KLF8: variants seen among roughly 807,000 people sequenced by gnomAD.
KLF8 encodes the protein KLF transcription factor 8.
Under a neutral mutation model 18.2 loss-of-function variants are expected in KLF8, and 10 were observed. That is an observed-to-expected ratio of 0.55 (90% CI 0.34 to 0.93). KLF8 has a LOEUF of 0.93. KLF8 is among the 40% of genes least tolerant of loss of function. The pLI is 0.02. For missense variants in KLF8, 264 were observed against 277.9 expected, an observed-to-expected ratio of 0.95 and a Z score of 0.36; for synonymous variants, 109 against 97.3, an observed-to-expected ratio of 1.12 and a Z score of -0.71.
chrX:55,994,737 A>G, the KLF8 span, among the ~76,000 whole-genome samples: 1 of 111,432 alleles, frequency 9.0e-6, no homozygotes, highest in Non-Finnish European at 1.9e-5. Context: ...TTTTTGAGAG[A>G]TCTTGGTATT....
chrX:55,911,567 C>T, the KLF8 span, among the ~76,000 whole-genome samples: 1 of 111,664 alleles, frequency 9.0e-6, no homozygotes. Flanking sequence ...GTGCTTCCCC[C>T]AAGTCCTTCC....
chrX:56,161,621 G>A, the KLF8 span, among the ~76,000 whole-genome samples: 1 of 111,455 alleles, frequency 9.0e-6, no homozygotes, highest in Non-Finnish European at 1.9e-5. Flanking sequence ...AGCTCCATGA[G>A]GTCCTTTAAG....
the KLF8 span, among the ~76,000 whole-genome samples, chrX:55,916,089 C>T: frequency 3.6e-5 from 4 of 111,723 alleles, no homozygotes; most frequent in Admixed American, 9.5e-5. Flanking sequence ...GGACACTCAC[C>T]GATTGACCAG....
the KLF8 span, among the ~76,000 whole-genome samples, chrX:55,917,083 C>T: frequency 1.8e-5 from 2 of 112,150 alleles, no homozygotes; most frequent in Non-Finnish European, 3.8e-5. Flanking sequence ...AATCTCCCTG[C>T]TCAAGTCTTG....
At chrX:56,102,582 T>A in the KLF8 span, among the ~76,000 whole-genome samples, 2 of 111,136 alleles carry the variant, frequency 1.8e-5, no homozygotes, top group East Asian at 5.6e-4. Flanking sequence ...GGTTCTTCCA[T>A]TTCATGAACA....
At chrX:56,032,323 A>AT in the KLF8 span, among the ~76,000 whole-genome samples, 2 of 111,397 alleles carry the variant, frequency 1.8e-5, no homozygotes, top group African/African-American at 3.3e-5. Context: ...CAAGTCTTTC[A>AT]TTTTTTTATT....
chrX:56,050,454 T>G, the KLF8 span, among the ~76,000 whole-genome samples: 2 of 112,268 alleles, frequency 1.8e-5, no homozygotes, highest in African/African-American at 6.5e-5. Flanking sequence ...TCCCAGAGAT[T>G]CTGGTATGTT....
the KLF8 span, among the ~76,000 whole-genome samples, chrX:55,990,852 C>G: frequency 9.0e-6 from 1 of 111,508 alleles, no homozygotes; most frequent in African/African-American, 3.3e-5. Flanking sequence ...CCTGATCATT[C>G]CTCTGGAAGT....
At chrX:56,250,150 A>G (rs955425934) in intron 1 of KLF8, 81 bp from the exon 2 acceptor site, 21 of 663,110 alleles carry the variant, frequency 3.2e-5, no homozygotes, top group Admixed American at 7.5e-5. Context: ...CATAGAACAC[A>G]CATAACATTA....
chrX:56,057,351 G>A, the KLF8 span, among the ~76,000 whole-genome samples: 1 of 111,041 alleles, frequency 9.0e-6, no homozygotes, highest in African/African-American at 3.3e-5. Context: ...GAGGGTGGTG[G>A]TTTGTATATT....
the KLF8 span, among the ~76,000 whole-genome samples, chrX:56,160,324 T>C: frequency 8.9e-6 from 1 of 112,001 alleles, no homozygotes; most frequent in South Asian, 3.7e-4. Flanking sequence ...TGGTCAGTTT[T>C]GGAATACGTG....
At chrX:55,925,589 GA>G in the KLF8 span, among the ~76,000 whole-genome samples, 109 of 111,724 alleles carry the variant, frequency 9.8e-4, no homozygotes, top group African/African-American at 3.5e-3. Flanking sequence ...GGCCCATAAA[GA>G]AATAGGTATA....
chrX:56,084,534 CAT>C, the KLF8 span, among the ~76,000 whole-genome samples: 6 of 112,042 alleles, frequency 5.4e-5, no homozygotes, highest in East Asian at 8.4e-4. Flanking sequence ...TTAATCAAAA[CAT>C]ATAATTTTAA....
the KLF8 span, among the ~76,000 whole-genome samples, chrX:56,047,613 G>A: frequency 9.0e-6 from 1 of 110,998 alleles, no homozygotes; most frequent in African/African-American, 3.3e-5. Flanking sequence ...TTTTATGGCT[G>A]CAGAGTATTC....
chrX:55,952,272 C>G, the KLF8 span, among the ~76,000 whole-genome samples: 1 of 111,991 alleles, frequency 8.9e-6, no homozygotes, highest in Admixed American at 9.5e-5. Context: ...ATAACAGACT[C>G]CAATCACTTA....
At chrX:56,041,682 GT>G in the KLF8 span, among the ~76,000 whole-genome samples, 1 of 108,831 alleles carries the variant, frequency 9.2e-6, no homozygotes, top group South Asian at 4.0e-4. Flanking sequence ...TGTTGTTGTT[GT>G]TGTTGTTGTT....
At chrX:56,134,801 G>T in the KLF8 span, among the ~76,000 whole-genome samples, 1 of 108,731 alleles carries the variant, frequency 9.2e-6, no homozygotes, top group African/African-American at 3.4e-5. Context: ...AAACAAATTA[G>T]CAGGAAAAAA....
At chrX:56,201,583 G>C in the KLF8 span, among the ~76,000 whole-genome samples, 1 of 111,441 alleles carries the variant, frequency 9.0e-6, no homozygotes, top group African/African-American at 3.3e-5. Flanking sequence ...AATTTGATAA[G>C]AGAATAGTTC....
chrX:56,002,413 G>T, the KLF8 span, among the ~76,000 whole-genome samples: 1 of 39,879 alleles, frequency 2.5e-5, no homozygotes, highest in Non-Finnish European at 4.4e-5. Context: ...ATCAATTTGT[G>T]TGTATGTGTG....
Sources: allele counts gnomAD v4.1 joint callset (sites outside exome capture counted in the v4.1 genomes callset), GRCh38; gene constraint gnomAD v4.1.1; transcripts MANE v1.5; gene names NCBI Gene and HGNC (gene_info 2026-07-23, HGNC 2026-07-21).